The following SVIL variants were observed in gnomAD, a reference collection of about 807,000 sequenced individuals.
SVIL encodes the protein supervillin.
A neutral mutation model predicts 240.4 loss-of-function variants in SVIL; 101 were observed. That is an observed-to-expected ratio of 0.42 (90% CI 0.36 to 0.50). SVIL has a LOEUF of 0.50. Ranked by LOEUF, SVIL falls within the 20% of genes least tolerant of loss-of-function variation. SVIL has a pLI of 0.01. For missense variants in SVIL, 2,512 were observed against 2,818.7 expected (o/e 0.89, Z 2.46); for synonymous variants, 999 against 1,100.0 (o/e 0.91, Z 1.82).
At chr10:29,561,909 A>T (rs1241700232) in intron 3 of SVIL, among the ~76,000 whole-genome samples, 1 of 152,174 alleles carries the variant, frequency 6.6e-6, no homozygotes, top group Non-Finnish European at 1.5e-5. Flanking sequence ...GAAAATTGCC[A>T]CATGTCTCTG....
intron 17 of SVIL, among the ~76,000 whole-genome samples, chr10:29,510,539 C>T (rs983108763): frequency 4.6e-5 from 7 of 151,270 alleles, no homozygotes; most frequent in East Asian, 1.9e-4. Flanking sequence ...ACGTAGGAAC[C>T]GTGAAGGGCG....
chr10:29,552,792 G>C (rs1305325871), intron 5 of SVIL, among the ~76,000 whole-genome samples: 1 of 152,072 alleles, frequency 6.6e-6, no homozygotes, highest in Non-Finnish European at 1.5e-5. Flanking sequence ...ATTGAGAAGA[G>C]AGATATGCCT....
Position 29,465,661 on chromosome 10 carries a change from G to C in SVIL, c.6067C>G (p.Arg2023Gly), listed in dbSNP as rs1944824550. 2 of 1,613,760 alleles carry C rather than the reference G, an allele frequency of 1.2e-6. No homozygotes were observed. Among genetic ancestry groups the C allele is most frequent in the African/African-American group, 2.7e-5 (2 of 75,028 alleles). The stretch of plus-strand genomic sequence containing the variant: ...ATGGAACTGACCACAGAGGGGGCTC[G>C]GGCAGGGTACACAAACTCTGTGGCT... ...FAATEFVYPA[R>G]APSVVSSMPF... Residue 2023 changes from arginine (R) to glycine (G), a missense_variant, in exon 34 of 38, where the codon CGA (arginine) becomes GGA (glycine). Physicochemically the swap from Arg to Gly is moderately radical, Grantham distance 125. Transcript: ENST00000355867.
At chr10:29,616,273 G>C (rs1957423142) in intron 1 of SVIL, among the ~76,000 whole-genome samples, 1 of 152,114 alleles carries the variant, frequency 6.6e-6, no homozygotes, top group Non-Finnish European at 1.5e-5. Context: ...CTGAACTCAG[G>C]CAATCCACCC....
intron 1 of SVIL, among the ~76,000 whole-genome samples, chr10:29,726,258 C>G (rs999317554): frequency 1.3e-5 from 2 of 152,138 alleles, no homozygotes; most frequent in African/African-American, 4.8e-5. Flanking sequence ...GCTCTCCAGG[C>G]TTCCTATTCC....
intron 18 of SVIL, among the ~76,000 whole-genome samples, 176 bp from the exon 19 acceptor site, chr10:29,495,357 C>T (rs2132418055): frequency 6.6e-6 from 1 of 151,068 alleles, no homozygotes; most frequent in Admixed American, 6.6e-5. Flanking sequence ...CAACCAACTG[C>T]AAACGTAGAC....
At position 29,512,769 on chromosome 10, in the gene SVIL, T is replaced by G. The variant is rs1250858317; in HGVS notation, c.3482A>C (p.His1161Pro). The part of the protein sequence containing the change: ...EGGKAPASSL[H>P]TQEAGRSLIK... ...GAGGGACCGCCCTGCTTCCTGGGTG[T>G]GCAGGCTGCTGGCCGGCGCCTTGCC... Residue 1161 changes from histidine to proline, a missense_variant, in exon 17 of 38, where the codon CAC becomes CCC. Around this residue, in one of 3 missense-constraint regions of SVIL, gnomAD observed 1,443 missense variants for 1,486.6 expected, o/e 0.97. Transcript: ENST00000355867. 1.2e-6 allele frequency: 2 copies of G among 1,613,962 alleles called. No homozygotes were observed. The highest frequency in any genetic ancestry group is 1.7e-6 in the Non-Finnish European group (2 of 1,180,048).
chr10:29,526,899 G>A (rs900884419), intron 13 of SVIL, 62 bp downstream of exon 13: 5 of 1,289,308 alleles, frequency 3.9e-6, no homozygotes, highest in Non-Finnish European at 5.2e-6. Context: ...AAGACTTTAG[G>A]ATGCATCTGC....
chr10:29,653,719 T>G (rs1452362279), intron 3 of SVIL, among the ~76,000 whole-genome samples: 1 of 152,174 alleles, frequency 6.6e-6, no homozygotes, highest in Non-Finnish European at 1.5e-5. Context: ...AATTTTTGTT[T>G]ATGATATGAG....
At chr10:29,659,951 T>C (rs1240730417) in intron 2 of SVIL, among the ~76,000 whole-genome samples, 2 of 152,106 alleles carry the variant, frequency 1.3e-5, no homozygotes, top group African/African-American at 4.8e-5. Flanking sequence ...GTTTAAAAAA[T>C]CCTTTGCCTG....
chr10:29,614,063 C>A (rs1468828223), intron 1 of SVIL, among the ~76,000 whole-genome samples: 2 of 152,148 alleles, frequency 1.3e-5, no homozygotes, highest in Non-Finnish European at 2.9e-5. Context: ...GCCACTGAGG[C>A]ACCAGAAATA....
intron 36 of SVIL, among the ~76,000 whole-genome samples, chr10:29,461,962 C>T (rs1276903743): frequency 2.0e-5 from 3 of 152,184 alleles, no homozygotes; most frequent in African/African-American, 7.2e-5. Context: ...TGCCAAGCAA[C>T]AGGTTCTTAG....
At chr10:29,704,375 T>A (rs1161462774) in intron 1 of SVIL, among the ~76,000 whole-genome samples, 1 of 152,146 alleles carries the variant, frequency 6.6e-6, no homozygotes, top group Non-Finnish European at 1.5e-5. Flanking sequence ...TTTGAAATGT[T>A]TATACCATGT....
At chr10:29,487,073 G>C in intron 24 of SVIL, 90 bp downstream of exon 24, 2 of 1,492,714 alleles carry the variant, frequency 1.3e-6, no homozygotes, top group Non-Finnish European at 1.8e-6. Context: ...CCTGGCTTTT[G>C]AGAAGCTTTG....
chr10:29,699,197 T>C (rs557673624), intron 1 of SVIL, among the ~76,000 whole-genome samples: 3 of 152,212 alleles, frequency 2.0e-5, no homozygotes, highest in Non-Finnish European at 4.4e-5. Flanking sequence ...TGTGTGATCA[T>C]AGCTCACTGA....
intron 16 of SVIL, among the ~76,000 whole-genome samples, chr10:29,520,541 T>C (rs1188299210): frequency 6.6e-6 from 1 of 152,188 alleles, no homozygotes; most frequent in African/African-American, 2.4e-5. Flanking sequence ...GATTTAACAA[T>C]GTGATTAATT....
intron 15 of SVIL, among the ~76,000 whole-genome samples, chr10:29,523,175 G>T (rs1950672505): frequency 6.6e-6 from 1 of 152,110 alleles, no homozygotes; most frequent in African/African-American, 2.4e-5. Context: ...GGGGCCACCA[G>T]AACTAAGCAG....
At chr10:29,709,065 C>T (rs1963104297) in intron 1 of SVIL, among the ~76,000 whole-genome samples, 1 of 152,152 alleles carries the variant, frequency 6.6e-6, no homozygotes, top group South Asian at 2.1e-4. Flanking sequence ...AGAAGCCTAA[C>T]ATTTGACCAA....
chr10:29,498,152 T>C lies in SVIL; in HGVS notation c.3664+964A>G, dbSNP rs565548485. 4.0e-5 allele frequency among the ~76,000 whole-genome samples: 6 copies of C among 148,562 alleles called. No homozygotes were observed. The South Asian group carries it at 1.3e-3, about 32-fold the overall frequency. ...AATTATGGGGGCTGGGCACAGTGGT[T>C]CACGCCTGTAATCCCAGCACTTTGG... is the stretch of plus-strand genomic sequence containing the variant. On this transcript the variant is annotated intron_variant, in intron 18 of 37. Transcript: ENST00000355867.
Sources: gnomAD v4.1 joint callset for allele counts (sites outside exome capture counted in the v4.1 genomes callset) on GRCh38, gnomAD v4.1.1 for gene constraint, gnomAD v4.1.1 regional missense constraint, MANE v1.5 for transcripts, NCBI Gene and HGNC (gene_info 2026-07-23, HGNC 2026-07-21) for gene names.